Variants in STK32B observed in about 807,000 individuals in gnomAD.
STK32B encodes serine/threonine-protein kinase 32B.
Under a neutral mutation model 52.6 loss-of-function variants are expected in STK32B, and 43 were observed. The observed-to-expected ratio is 0.82, with a 90% CI of 0.64 to 1.05. The LOEUF (loss-of-function observed/expected upper bound fraction) is 1.05, where lower values mean the gene tolerates loss of function less well. STK32B is among the 50% of genes least tolerant of loss of function. The pLI, the probability that STK32B is intolerant of heterozygous loss-of-function variation, is 0.00. For synonymous variants in STK32B, 238 were observed against 204.3 expected (o/e 1.17, Z -1.41); for missense variants, 621 against 534.6 (o/e 1.16, Z -1.59).
rs3806723 is a variant in STK32B, at chr4:5,166,007, C to A, written c.109-2292C>A. Among the ~76,000 whole-genome samples, 5 of 152,008 alleles carry A rather than the reference C, an allele frequency of 3.3e-5. No homozygotes were observed. In the South Asian group the frequency reaches 1.0e-3, roughly 32 times the overall value. On this transcript the variant is annotated intron_variant, in intron 2 of 11. Coordinates refer to ENST00000282908, the MANE Select transcript of STK32B (RefSeq NM_018401.3). ...TTTGCTGACTCAGTTCAGAAATATG[C>A]GGAGACTGAGGCCAAGAGAGGCACA...
At chr4:5,358,827 G>A (rs1011579204) in intron 4 of STK32B, among the ~76,000 whole-genome samples, 7 of 152,166 alleles carry the variant, frequency 4.6e-5, no homozygotes, top group African/African-American at 1.7e-4. Context: ...GCTAGAAAAG[G>A]TATGAATAAT....
At chr4:5,217,458 C>A (rs1014315728) in intron 3 of STK32B, among the ~76,000 whole-genome samples, 1 of 152,000 alleles carries the variant, frequency 6.6e-6, no homozygotes, top group African/African-American at 2.4e-5. Context: ...TACAGGAATG[C>A]CAGTCCCCTT....
the STK32B span, among the ~76,000 whole-genome samples, chr4:5,036,362 A>C: frequency 7.5e-3 from 1,147 of 152,286 alleles, 4 homozygotes; most frequent in East Asian, 0.017. Flanking sequence ...TGCACTGGAA[A>C]TCATCATCCT....
At chr4:5,405,125 C>G (rs966989485) in intron 5 of STK32B, among the ~76,000 whole-genome samples, 1 of 151,846 alleles carries the variant, frequency 6.6e-6, no homozygotes, top group Non-Finnish European at 1.5e-5. Flanking sequence ...CTTGGCCTCC[C>G]AAAGTGGGGA....
intron 3 of STK32B, among the ~76,000 whole-genome samples, chr4:5,170,127 T>A (rs1274191690): frequency 1.3e-5 from 2 of 152,146 alleles, no homozygotes; most frequent in Non-Finnish European, 2.9e-5. Context: ...TTGGGCTGTT[T>A]CTAATTATTT....
intron 11 of STK32B, among the ~76,000 whole-genome samples, chr4:5,479,108 T>C (rs1346395165): frequency 8.3e-6 from 1 of 120,300 alleles, no homozygotes; most frequent in African/African-American, 3.0e-5. Context: ...TTTTTGTTTG[T>C]TTGTTTTTGT....
intron 3 of STK32B, among the ~76,000 whole-genome samples, chr4:5,266,214 A>T (rs1056028680): frequency 6.6e-6 from 1 of 152,148 alleles, no homozygotes; most frequent in Admixed American, 6.5e-5. Context: ...ATTCGGACAC[A>T]TTTTCTTTGT....
At chr4:5,465,223 G>A (rs1342413088) in intron 9 of STK32B, among the ~76,000 whole-genome samples, 1 of 152,180 alleles carries the variant, frequency 6.6e-6, no homozygotes, top group Non-Finnish European at 1.5e-5. Flanking sequence ...GGCAACTCCT[G>A]TGTGGCAGGG....
chr4:5,223,960 A>G (rs1460633926), intron 3 of STK32B, among the ~76,000 whole-genome samples: 1 of 151,980 alleles, frequency 6.6e-6, no homozygotes, highest in East Asian at 1.9e-4. Flanking sequence ...TCTAGCCTAT[A>G]CCTGTCCCAC....
At chr4:5,134,105 A>G (rs550486895) in intron 1 of STK32B, among the ~76,000 whole-genome samples, 48 of 152,328 alleles carry the variant, frequency 3.2e-4, no homozygotes, top group African/African-American at 1.1e-3. Context: ...GGCAGGAAAC[A>G]GAGATGCATA....
At chr4:5,186,941 C>G (rs919481009) in intron 3 of STK32B, among the ~76,000 whole-genome samples, 2 of 152,180 alleles carry the variant, frequency 1.3e-5, no homozygotes, top group African/African-American at 4.8e-5. Flanking sequence ...GAGTGTGGGT[C>G]ACAGGATGCA....
intron 3 of STK32B, among the ~76,000 whole-genome samples, chr4:5,229,302 A>G (rs1326934796): frequency 6.6e-6 from 1 of 151,826 alleles, no homozygotes; most frequent in Non-Finnish European, 1.5e-5. Context: ...GTATTATTCT[A>G]TAATGCACTG....
Position 5,461,094 on chromosome 4 carries a change from T to C in STK32B, c.909+866T>C, listed in dbSNP as rs1030212491. Among the ~76,000 whole-genome samples the C allele has an allele frequency of 2.0e-5, 3 of 152,142 alleles. No individual in the cohort carries two copies. In the East Asian group the frequency reaches 5.8e-4, roughly 29 times the overall value. ...GCAGTTGCATTTCTCCTAGAGGGAA[T>C]TGCAGAGAGCACCTGAGGAATAGTG... On this transcript the variant is annotated intron_variant, in intron 9 of 11. Coordinates refer to ENST00000282908, the MANE Select transcript of STK32B (RefSeq NM_018401.3).
chr4:5,019,591 C>T, the STK32B span: 6 of 809,364 alleles, frequency 7.4e-6, no homozygotes, highest in African/African-American at 9.0e-5. Flanking sequence ...GCACGCCCAC[C>T]GGGCAGGGTC....
intron 3 of STK32B, among the ~76,000 whole-genome samples, chr4:5,324,046 A>G (rs1731710200): frequency 6.6e-6 from 1 of 152,218 alleles, no homozygotes; most frequent in Non-Finnish European, 1.5e-5. Context: ...GGAACATTAA[A>G]TGAGCGCATA....
chr4:5,439,979 A>C lies in STK32B; in HGVS notation c.563-6694A>C, dbSNP rs1443313744. Among the ~76,000 whole-genome samples, 12 of 152,268 alleles carry C rather than the reference A, an allele frequency of 7.9e-5. No homozygotes were observed. In the South Asian group the frequency reaches 1.2e-3, roughly 16 times the overall value. ...TTGATCTATATCTCTGTTTTGGTAC[A>C]AGTACCATGCTGTTTTGGTTACTGT... On this transcript the variant is annotated intron_variant, in intron 6 of 11. Coordinates refer to ENST00000282908, the MANE Select transcript of STK32B (RefSeq NM_018401.3).
At chr4:5,410,455 C>G (rs1711576908) in intron 5 of STK32B, among the ~76,000 whole-genome samples, 1 of 152,224 alleles carries the variant, frequency 6.6e-6, no homozygotes, top group South Asian at 2.1e-4. Context: ...AACTCTTGGT[C>G]TTCCTTCCTC....
At chr4:5,326,850 G>A (rs1731911487) in intron 3 of STK32B, among the ~76,000 whole-genome samples, 1 of 152,182 alleles carries the variant, frequency 6.6e-6, no homozygotes, top group Non-Finnish European at 1.5e-5. Context: ...TTCACTTCAT[G>A]AAATATTTCT....
Position 5,399,672 on chromosome 4 carries a change from C to T in STK32B, c.472+1428C>T, listed in dbSNP as rs1366063768. On this transcript the variant is annotated intron_variant, in intron 5 of 11. Transcript: ENST00000282908. The surrounding 1 kb of genome is among the most constrained non-coding windows in gnomAD (Gnocchi z 5.4). The stretch of plus-strand genomic sequence containing the variant: ...GGCACTCAGCTGAGCCCCCAGCCAG[C>T]TGAATGTCCTTGGGCCAGTGGCTGT... 6.6e-6 allele frequency among the ~76,000 whole-genome samples: 1 copy of T among 152,218 alleles called. No homozygotes were observed. Among genetic ancestry groups the T allele is most frequent in the Non-Finnish European group, 1.5e-5 (1 of 68,040 alleles).
Sources: allele counts gnomAD v4.1 joint callset (sites outside exome capture counted in the v4.1 genomes callset), GRCh38; gene constraint gnomAD v4.1.1; non-coding constraint Gnocchi (gnomAD v3.1); transcripts MANE v1.5; gene names NCBI Gene and HGNC (gene_info 2026-07-23, HGNC 2026-07-21).